Variants in ACTN1 observed in about 807,000 individuals in gnomAD.
The protein encoded by ACTN1 is actinin alpha 1, also known as alpha-actinin-1.
In ACTN1, 30 loss-of-function variants were observed where a neutral mutation model predicts 119.6. That is an observed-to-expected ratio of 0.25 (90% CI 0.19 to 0.34). The LOEUF is 0.34. Ranked by LOEUF, ACTN1 falls within the 10% of genes least tolerant of loss-of-function variation. The pLI is 1.00. For missense variants in ACTN1, 764 were observed against 1,223.4 expected, an observed-to-expected ratio of 0.62 and a Z score of 5.60; for synonymous variants, 429 against 472.6, an observed-to-expected ratio of 0.91 and a Z score of 1.20.
At chr14:68,895,884 G>GGGC (rs1259359350) in intron 8 of ACTN1, among the ~76,000 whole-genome samples, 1 of 152,146 alleles carries the variant, frequency 6.6e-6, no homozygotes, top group African/African-American at 2.4e-5. Flanking sequence ...AGGGTCAAAA[G>GGGC]GGCTCCCTTC....
chr14:68,943,722 AC>A (rs2035840512), intron 1 of ACTN1, among the ~76,000 whole-genome samples: 1 of 152,014 alleles, frequency 6.6e-6, no homozygotes, highest in Non-Finnish European at 1.5e-5. Context: ...TGTTATCATC[AC>A]CCACGAGGCA....
chr14:68,962,757 T>C (rs569385006), intron 1 of ACTN1, among the ~76,000 whole-genome samples: 23 of 152,380 alleles, frequency 1.5e-4, no homozygotes, highest in Non-Finnish European at 1.5e-5. Context: ...GAGCCTGCTC[T>C]AAGCAGCCCA....
rs537896079 is a variant in ACTN1, at chr14:68,885,762, G to A, written c.1235-187C>T. ...TAGAACATCCACCAACCGGCGCAAC[G>A]GGGAAAAGCACTCTCCTCAGAGCAC... On this transcript the variant is annotated intron_variant, in intron 11 of 21. Coordinates refer to ENST00000394419, the MANE Select transcript of ACTN1 (RefSeq NM_001130004.2). The surrounding 1 kb of genome is among the most constrained non-coding windows in gnomAD (Gnocchi z 5.6). 577 of 646,618 alleles carry A rather than the reference G, an allele frequency of 8.9e-4. No homozygotes were observed. Among genetic ancestry groups the A allele is most frequent in the Non-Finnish European group, 1.3e-3 (494 of 381,084 alleles). 40.1% of individuals were successfully genotyped at this position (646,618 alleles called of 1,614,324 possible).
Position 68,885,471 on chromosome 14 carries a change from G to A in ACTN1, c.1339C>T (p.His447Tyr). 1.2e-6 allele frequency: 2 copies of A among 1,614,046 alleles called. No homozygotes were observed. Among genetic ancestry groups the A allele is most frequent in the Non-Finnish European group, 1.7e-6 (2 of 1,180,000 alleles). ...HEAFESDLAA[H>Y]QDRVEQIAAI... ...GCAATCTGCTCCACACGGTCCTGGT[G>A]GGCAGCCAGGTCACTCTCGAAGGCC... is the stretch of plus-strand genomic sequence containing the variant. Residue 447 changes from histidine to tyrosine, a missense_variant, in exon 12 of 22, where the codon CAC (histidine) becomes TAC (tyrosine). Physicochemically the swap from His to Tyr is moderately conservative, Grantham distance 83 (BLOSUM62 2). Coordinates refer to ENST00000394419, the MANE Select transcript of ACTN1 (RefSeq NM_001130004.2). The surrounding 1 kb of genome is among the most constrained non-coding windows in gnomAD (Gnocchi z 5.6).
chr14:68,926,660 C>T (rs1022834711), intron 1 of ACTN1, among the ~76,000 whole-genome samples: 3 of 152,172 alleles, frequency 2.0e-5, no homozygotes, highest in Non-Finnish European at 4.4e-5. Context: ...TCCCACCTGC[C>T]CTGCAAAATT....
intron 1 of ACTN1, among the ~76,000 whole-genome samples, chr14:68,948,678 CA>C (rs2036025826): frequency 6.6e-6 from 1 of 152,188 alleles, no homozygotes; most frequent in Non-Finnish European, 1.5e-5. Context: ...GGCCCCAAAC[CA>C]AAAGCCAGGA....
At chr14:68,952,878 G>C (rs943448326) in intron 1 of ACTN1, among the ~76,000 whole-genome samples, 1 of 152,060 alleles carries the variant, frequency 6.6e-6, no homozygotes, top group African/African-American at 2.4e-5. Context: ...CCCCAGGAGG[G>C]CCTGACACCC....
chr14:68,891,156 T>G (rs2032445938), intron 10 of ACTN1, among the ~76,000 whole-genome samples: 1 of 151,546 alleles, frequency 6.6e-6, no homozygotes, highest in Non-Finnish European at 1.5e-5. Flanking sequence ...CCTTTCACCC[T>G]CCCCTTCTAG....
At chr14:68,932,658 C>T (rs573776790) in intron 1 of ACTN1, among the ~76,000 whole-genome samples, 39 of 151,980 alleles carry the variant, frequency 2.6e-4, no homozygotes, top group African/African-American at 8.9e-4. Context: ...AGCCACTGCA[C>T]CTGGTCTAGA....
intron 1 of ACTN1, among the ~76,000 whole-genome samples, chr14:68,951,893 A>C (rs2140544383): frequency 6.6e-6 from 1 of 152,356 alleles, no homozygotes; most frequent in Non-Finnish European, 1.5e-5. Flanking sequence ...TGTGCCAGGT[A>C]CTATACTAAT....
At chr14:68,934,733 A>G (rs2035404616) in intron 1 of ACTN1, among the ~76,000 whole-genome samples, 1 of 152,392 alleles carries the variant, frequency 6.6e-6, no homozygotes, top group South Asian at 2.1e-4. Context: ...TAGGTTAAGT[A>G]TATTAGGCTT....
At chr14:68,923,944 G>C (rs2034782301) in intron 2 of ACTN1, among the ~76,000 whole-genome samples, 1 of 152,208 alleles carries the variant, frequency 6.6e-6, no homozygotes, top group South Asian at 2.1e-4. Flanking sequence ...CCATAAAAAG[G>C]AAAGGGATGG....
rs4243631 is a variant in ACTN1 at position 68,912,336 on chromosome 14, A to G, written c.341-94T>C. 0.17 allele frequency: 164,418 copies of G among 952,878 alleles called. 21,767 individuals carry two copies. The highest frequency in any genetic ancestry group is 0.64 in the East Asian group (26,239 of 40,792). 59.0% of individuals were successfully genotyped at this position (952,878 alleles called of 1,614,324 possible). ...CCCACAGCACTCCATGCCCCACGCT[A>G]GGAATCAAAAGACTCCAGAGCTCTA... On this transcript the variant is annotated intron_variant, in intron 3 of 21. Coordinates refer to ENST00000394419, the MANE Select transcript of ACTN1 (RefSeq NM_001130004.2).
chr14:68,951,168 G>C (rs1408804182), intron 1 of ACTN1, among the ~76,000 whole-genome samples: 3 of 152,208 alleles, frequency 2.0e-5, no homozygotes, highest in Admixed American at 6.5e-5. Context: ...CGGGGTGACG[G>C]GCAGGCTCCT....
chr14:68,932,644 C>CA (rs1436790970), intron 1 of ACTN1, among the ~76,000 whole-genome samples: 1 of 150,776 alleles, frequency 6.6e-6, no homozygotes, highest in Non-Finnish European at 1.5e-5. Context: ...TGGTTACAGG[C>CA]GTGAGCCACT....
chr14:68,892,656 A>G (rs1166019346), intron 9 of ACTN1, among the ~76,000 whole-genome samples: 1 of 152,076 alleles, frequency 6.6e-6, no homozygotes, highest in East Asian at 1.9e-4. Flanking sequence ...CATCTATACC[A>G]TGGAGGGGGT....
At chr14:68,884,929 C>A (rs370249884) in intron 12 of ACTN1, 46 bp from the exon 13 acceptor site, 7 of 1,467,100 alleles carry the variant, frequency 4.8e-6, no homozygotes, top group Non-Finnish European at 5.7e-6. Context: ...AGGTTAATTT[C>A]ATGGCCCATC....
At chr14:68,947,138 C>T (rs914417020) in intron 1 of ACTN1, among the ~76,000 whole-genome samples, 8 of 152,230 alleles carry the variant, frequency 5.3e-5, no homozygotes, top group African/African-American at 1.9e-4. Flanking sequence ...CCAACAACCA[C>T]CATTCTGGTT....
At chr14:68,978,558 A>C in intron 1 of ACTN1, 1 of 284,624 alleles carries the variant, frequency 3.5e-6, no homozygotes, top group Non-Finnish European at 6.8e-6. Context: ...CCAGGGGCGG[A>C]AGAAAAGGGA....
Sources: allele counts gnomAD v4.1 joint callset (sites outside exome capture counted in the v4.1 genomes callset), GRCh38; gene constraint gnomAD v4.1.1; non-coding constraint Gnocchi (gnomAD v3.1); transcripts MANE v1.5; gene names NCBI Gene and HGNC (gene_info 2026-07-23, HGNC 2026-07-21).